SYNE1: variants seen among roughly 807,000 people sequenced by gnomAD.
The protein encoded by SYNE1 is spectrin repeat containing nuclear envelope protein 1, also known as nesprin-1.
In SYNE1, 616 loss-of-function variants were observed where a neutral mutation model predicts 1,111.0. The ratio of observed to expected loss-of-function variants is 0.55; its 90% confidence interval spans 0.52 to 0.59. SYNE1 has a LOEUF of 0.59. Ranked by LOEUF, SYNE1 falls within the 20% of genes least tolerant of loss-of-function variation. The pLI, the probability that SYNE1 is intolerant of heterozygous loss-of-function variation, is 0.00. For synonymous variants in SYNE1, 3,855 were observed against 3,825.8 expected (o/e 1.01, Z -0.28); for missense variants, 10,006 against 10,417.0 (o/e 0.96, Z 1.72).
chr6:152,278,428 G>A, intron 97 of SYNE1, 148 bp from the exon 98 acceptor site: 1 of 792,058 alleles, frequency 1.3e-6, no homozygotes. Context: ...GCCTTGACGA[G>A]TAAGTAGTCT....
intron 91 of SYNE1, among the ~76,000 whole-genome samples, chr6:152,304,482 G>A (rs1589665421): frequency 6.6e-6 from 1 of 152,080 alleles, no homozygotes; most frequent in South Asian, 2.1e-4. Flanking sequence ...TTATAGGCAC[G>A]CGCCACCATG....
chr6:152,597,150 C>T (rs1334973560), intron 3 of SYNE1, among the ~76,000 whole-genome samples: 1 of 152,222 alleles, frequency 6.6e-6, no homozygotes, highest in Admixed American at 6.5e-5. Context: ...AGTAAACCAA[C>T]AGACATTTGA....
At chr6:152,312,994 C>T (rs985116904) in intron 87 of SYNE1, among the ~76,000 whole-genome samples, 1 of 152,150 alleles carries the variant, frequency 6.6e-6, no homozygotes, top group Non-Finnish European at 1.5e-5. Context: ...AGAACGGCTA[C>T]TCCATTGACA....
chr6:152,219,381 A>T (rs534033048), intron 119 of SYNE1, among the ~76,000 whole-genome samples, 196 bp from the exon 120 acceptor site: 1 of 152,290 alleles, frequency 6.6e-6, no homozygotes, highest in South Asian at 2.1e-4. Flanking sequence ...TATTTTAAAC[A>T]TACATTATAC....
intron 14 of SYNE1, among the ~76,000 whole-genome samples, chr6:152,475,476 T>C (rs2098829675): frequency 6.6e-6 from 1 of 152,184 alleles, no homozygotes; most frequent in African/African-American, 2.4e-5. Flanking sequence ...TCATATCTCA[T>C]GTCATTGCTG....
At chr6:152,269,124 G>A (rs2092985301) in intron 99 of SYNE1, 31 bp downstream of exon 99, 2 of 1,613,954 alleles carry the variant, frequency 1.2e-6, no homozygotes, top group Non-Finnish European at 1.7e-6. Flanking sequence ...GGGCAGATCT[G>A]CAAGCTAGAG....
chr6:152,281,740 T>A, intron 97 of SYNE1, 67 bp downstream of exon 97: 1 of 1,560,584 alleles, frequency 6.4e-7, no homozygotes, highest in South Asian at 1.1e-5. Context: ...TTTTATAGTA[T>A]GTTTTCTGTA....
chr6:152,606,093 G>A (rs1435809577), intron 3 of SYNE1, among the ~76,000 whole-genome samples: 2 of 152,100 alleles, frequency 1.3e-5, no homozygotes, highest in Non-Finnish European at 2.9e-5. Flanking sequence ...CTGTGGCTTG[G>A]CAGTGCTTGG....
intron 2 of SYNE1, among the ~76,000 whole-genome samples, chr6:152,632,049 T>A (rs2129015911): frequency 6.6e-6 from 1 of 152,304 alleles, no homozygotes; most frequent in Admixed American, 6.5e-5. Flanking sequence ...CACTGAGGCC[T>A]CTAACATCAA....
At chr6:152,632,991 A>C (rs1303648064) in intron 2 of SYNE1, among the ~76,000 whole-genome samples, 3 of 152,136 alleles carry the variant, frequency 2.0e-5, no homozygotes, top group Admixed American at 2.0e-4. Flanking sequence ...GAGCTAAAAC[A>C]ACGACTGGTG....
intron 59 of SYNE1, among the ~76,000 whole-genome samples, chr6:152,371,517 C>T (rs974821594): frequency 9.5e-5 from 14 of 147,054 alleles, no homozygotes; most frequent in African/African-American, 3.6e-4. Flanking sequence ...TGAACTAATA[C>T]ACCACAAAAC....
Position 152,300,640 on chromosome 6 carries a change from C to T in SYNE1, c.17682+1G>A, listed in dbSNP as rs1064796579. The T allele has an allele frequency of 6.2e-7, 1 of 1,614,122 alleles. No homozygotes were observed. The highest frequency in any genetic ancestry group is 1.3e-5 in the African/African-American group (1 of 75,034). On this transcript the variant is annotated splice_donor_variant, in intron 93 of 145. Coordinates refer to ENST00000367255, the MANE Select transcript of SYNE1 (RefSeq NM_182961.4). LOFTEE classifies it high-confidence loss of function. ...CTAGAGGAATGCCAACTGGGAGGTA[C>T]CTGGTTAACAGAAGCATCTGTATTA...
chr6:152,268,037 G>T lies in SYNE1; in HGVS notation c.18815+19C>A. 1 of 1,580,782 alleles carries T rather than the reference G, an allele frequency of 6.3e-7. No homozygotes were observed. On this transcript the variant is annotated intron_variant, in intron 100 of 145. Coordinates refer to ENST00000367255, the MANE Select transcript of SYNE1 (RefSeq NM_182961.4). ...AGGGAAACACAATGAAGAGAAAATG[G>T]AAGCATTTTGAAACATACCCAGCAT...
rs1159750019 is a variant in SYNE1, at chr6:152,330,051, T to G, written c.14634A>C (p.Glu4878Asp). Residue 4878 changes from glutamate to aspartate, a missense_variant, in exon 78 of 146, where the codon GAA becomes GAC. Around this residue, in one of 7 missense-constraint regions of SYNE1, gnomAD observed 4,955 missense variants for 5,017.2 expected, o/e 0.99. Coordinates refer to ENST00000367255, the MANE Select transcript of SYNE1 (RefSeq NM_182961.4). ...LTSAIGETVT[E>D]CESRMVQSID... Reference sequence around the variant, plus strand: ...TACTCTGCACCATTCGGCTCTCACATTCTGTCACCGTCTCACCAATGGCAG... The same window carrying G: ...TACTCTGCACCATTCGGCTCTCACAGTCTGTCACCGTCTCACCAATGGCAG... 2.5e-6 allele frequency: 4 copies of G among 1,614,070 alleles called. No homozygotes were observed. In the Admixed American group the frequency reaches 6.7e-5, roughly 27 times the overall value.
intron 119 of SYNE1, among the ~76,000 whole-genome samples, chr6:152,219,756 G>A (rs1479011264): frequency 6.6e-6 from 1 of 152,198 alleles, no homozygotes; most frequent in Non-Finnish European, 1.5e-5. Context: ...GGGGGTGAGA[G>A]TAGCCTGTAT....
At chr6:152,363,753 A>G in intron 63 of SYNE1, 1 of 455,308 alleles carries the variant, frequency 2.2e-6, no homozygotes, top group Non-Finnish European at 4.4e-6. Context: ...TGAGGGCAAT[A>G]TAGGCACAGG....
chr6:152,358,927 G>T (rs1187985717), intron 65 of SYNE1, among the ~76,000 whole-genome samples: 1 of 152,144 alleles, frequency 6.6e-6, no homozygotes, highest in African/African-American at 2.4e-5. Flanking sequence ...AATGCGCTCT[G>T]AAAAAGCATA....
chr6:152,524,351 T>C (rs1158317259), intron 5 of SYNE1, among the ~76,000 whole-genome samples: 1 of 152,204 alleles, frequency 6.6e-6, no homozygotes, highest in Non-Finnish European at 1.5e-5. Flanking sequence ...GTATCACATT[T>C]ATTGACTTGC....
intron 20 of SYNE1, 57 bp downstream of exon 20, chr6:152,462,681 C>T: frequency 6.2e-7 from 1 of 1,607,052 alleles, no homozygotes; most frequent in Non-Finnish European, 8.5e-7. Flanking sequence ...AATAAACTTG[C>T]TGATCTTTCC....
Sources: gnomAD v4.1 joint callset for allele counts (sites outside exome capture counted in the v4.1 genomes callset) on GRCh38, gnomAD v4.1.1 for gene constraint, gnomAD v4.1.1 regional missense constraint, MANE v1.5 for transcripts, NCBI Gene and HGNC (gene_info 2026-07-23, HGNC 2026-07-21) for gene names.